The following CCDC126 variants were observed in gnomAD, a reference collection of about 807,000 sequenced individuals.
CCDC126 encodes the protein coiled-coil domain containing 126, also known as coiled-coil domain-containing protein 126.
CCDC126 carries 5 observed loss-of-function variants against 11.7 expected under a neutral mutation model. That is an observed-to-expected ratio of 0.43 (90% CI 0.22 to 0.90). The LOEUF is 0.90. CCDC126 is among the 40% of genes least tolerant of loss of function. The pLI is 0.27. For synonymous variants in CCDC126, 60 were observed against 61.9 expected (o/e 0.97, Z 0.14); for missense variants, 150 against 163.1 (o/e 0.92, Z 0.44).
In CCDC126 at chr7:23,628,206, T is replaced by C. The variant is rs372844151; in HGVS notation, c.239-14725T>C. On this transcript the variant is annotated intron_variant, in intron 3 of 3. Transcript: ENST00000307471. Reference sequence around the variant, plus strand: ...TCATCTATGTTATGCATCTCTCCCCTGTTCTTTCCATCCAAATACAACCAA... The same window carrying C: ...TCATCTATGTTATGCATCTCTCCCCCGTTCTTTCCATCCAAATACAACCAA... Among the ~76,000 whole-genome samples the C allele has an allele frequency of 9.8e-5, 15 of 152,292 alleles. No homozygotes were observed. The East Asian group carries it at 2.7e-3, about 27-fold the overall frequency.
intron 3 of CCDC126, among the ~76,000 whole-genome samples, chr7:23,612,474 C>CAAAAAAAAAAAAAAAAAA (rs70954395): frequency 1.4e-4 from 8 of 56,208 alleles, no homozygotes; most frequent in Non-Finnish European, 2.2e-4. Flanking sequence ...GACTCCATCT[C>CAAAAAAAAAAAAAAAAAA]AAAAAAAAAA....
intron 2 of CCDC126, among the ~76,000 whole-genome samples, chr7:23,605,393 ATATGCTTGTGTGTGTGTG>A (rs1402113318): frequency 7.0e-6 from 1 of 142,268 alleles, no homozygotes; most frequent in Non-Finnish European, 1.5e-5. Flanking sequence ...GGAGAATGTG[ATATGCTTGTGTGTGTGTG>A]TGTGTGTGTG....
At chr7:23,610,801 T>G (rs1782698694) in intron 2 of CCDC126, among the ~76,000 whole-genome samples, 1 of 152,114 alleles carries the variant, frequency 6.6e-6, no homozygotes, top group African/African-American at 2.4e-5. Context: ...TTTTCTTTTT[T>G]TTTTGAGGAA....
chr7:23,605,522 A>G (rs922445055), intron 2 of CCDC126, among the ~76,000 whole-genome samples: 2 of 152,074 alleles, frequency 1.3e-5, no homozygotes, highest in Non-Finnish European at 2.9e-5. Context: ...CGTTCACATC[A>G]TCATGCAACC....
chr7:23,627,871 A>AT (rs1455254130), intron 3 of CCDC126, among the ~76,000 whole-genome samples: 1 of 152,134 alleles, frequency 6.6e-6, no homozygotes, highest in Non-Finnish European at 1.5e-5. Context: ...GATTGCAGGT[A>AT]TGAGCTACCA....
chr7:23,607,105 CA>C, intron 2 of CCDC126, among the ~76,000 whole-genome samples: 1 of 149,162 alleles, frequency 6.7e-6, no homozygotes, highest in East Asian at 2.1e-4. Context: ...GTCTCAAAAG[CA>C]AAAAACAAAA....
chr7:23,601,567 C>A (rs117228292), intron 2 of CCDC126, among the ~76,000 whole-genome samples: 1 of 152,242 alleles, frequency 6.6e-6, no homozygotes, highest in East Asian at 1.9e-4. Flanking sequence ...ACAGTGGAGT[C>A]CTGTGCTGAA....
intron 3 of CCDC126, among the ~76,000 whole-genome samples, chr7:23,634,967 C>T (rs1584216254): frequency 6.6e-6 from 1 of 152,252 alleles, no homozygotes; most frequent in East Asian, 1.9e-4. Context: ...TCTTTTTATA[C>T]CCAATATCTT....
chr7:23,636,668 C>A lies in CCDC126; in HGVS notation c.239-6263C>A, dbSNP rs867804921. On this transcript the variant is annotated intron_variant, in intron 3 of 3. Coordinates refer to ENST00000307471, the MANE Select transcript of CCDC126 (RefSeq NM_138771.4). Reference sequence around the variant, plus strand: ...AGTGAGGAGCCCCTCCGTCCGGCAGCCATCCCGTCTGGGAAGTGAGGAGCC... The same window carrying A: ...AGTGAGGAGCCCCTCCGTCCGGCAGACATCCCGTCTGGGAAGTGAGGAGCC... Among the ~76,000 whole-genome samples the A allele has an allele frequency of 1.5e-4, 22 of 149,044 alleles. 2 individuals are homozygous for A. The highest frequency in any genetic ancestry group is 3.8e-4 in the African/African-American group (15 of 39,992).
chr7:23,603,081 C>A lies in CCDC126; in HGVS notation c.-146+5030C>A, dbSNP rs148062605. On this transcript the variant is annotated intron_variant, in intron 2 of 3. Transcript: ENST00000307471. ...TAGGCCTTTATGCACTGCCCCCCAC[C>A]CTCCACCTCCAATTCTTTTTTCTGG... Among the ~76,000 whole-genome samples the A allele has an allele frequency of 8.7e-3, 1,325 of 152,222 alleles. 10 individuals carry two copies. Among genetic ancestry groups the A allele is most frequent in the Middle Eastern group, 0.02 (6 of 294 alleles).
intron 2 of CCDC126, among the ~76,000 whole-genome samples, chr7:23,609,010 C>T (rs12700450): frequency 0.18 from 27,769 of 151,774 alleles, 2,930 homozygotes; most frequent in Non-Finnish European, 0.25. Flanking sequence ...GCCACAAGAC[C>T]AGATGAGCCA....
At chr7:23,637,557 C>T (rs1584218911) in intron 3 of CCDC126, among the ~76,000 whole-genome samples, 1 of 30,734 alleles carries the variant, frequency 3.3e-5, no homozygotes, top group Non-Finnish European at 6.2e-5. Flanking sequence ...CCTGGCCAGC[C>T]GCCCCTTCCG....
At chr7:23,621,701 A>T (rs550712072) in intron 3 of CCDC126, among the ~76,000 whole-genome samples, 59 of 152,254 alleles carry the variant, frequency 3.9e-4, no homozygotes, top group Middle Eastern at 3.4e-3. Context: ...ATTCAGTATG[A>T]TATTGGCTGT....
At chr7:23,603,686 A>T (rs1447775393) in intron 2 of CCDC126, among the ~76,000 whole-genome samples, 1 of 152,208 alleles carries the variant, frequency 6.6e-6, no homozygotes, top group Non-Finnish European at 1.5e-5. Flanking sequence ...AATTGAAGGT[A>T]CTTTACCCCC....
At chr7:23,611,583 C>A in intron 3 of CCDC126, 30 bp downstream of exon 3, 1 of 1,450,860 alleles carries the variant, frequency 6.9e-7, no homozygotes, top group Non-Finnish European at 9.7e-7. Context: ...TTTCTAGTTT[C>A]CTCCAATCCC....
chr7:23,636,438 T>C, intron 3 of CCDC126, among the ~76,000 whole-genome samples: 3 of 130,762 alleles, frequency 2.3e-5, no homozygotes, highest in African/African-American at 3.0e-5. Context: ...GCCGCCGCCA[T>C]CCCATCTAGG....
chr7:23,622,521 C>G (rs1782931805), intron 3 of CCDC126: 1 of 493,696 alleles, frequency 2.0e-6, no homozygotes, highest in Admixed American at 2.3e-5. Context: ...TTAGTGCAGT[C>G]AACGATGGAC....
At chr7:23,613,333 G>C (rs1030951676) in intron 3 of CCDC126, among the ~76,000 whole-genome samples, 7 of 151,946 alleles carry the variant, frequency 4.6e-5, no homozygotes, top group Non-Finnish European at 8.8e-5. Flanking sequence ...AGTGGTACAT[G>C]CATGTATTTA....
chr7:23,633,244 G>A (rs1033053900), intron 3 of CCDC126, among the ~76,000 whole-genome samples: 5 of 152,108 alleles, frequency 3.3e-5, no homozygotes, highest in African/African-American at 4.8e-5. Flanking sequence ...CGCCTGCCTC[G>A]GCCTCCCAAA....
Sources: allele counts gnomAD v4.1 joint callset (sites outside exome capture counted in the v4.1 genomes callset), GRCh38; gene constraint gnomAD v4.1.1; transcripts MANE v1.5; gene names NCBI Gene and HGNC (gene_info 2026-07-23, HGNC 2026-07-21).